The following DFFB variants were observed in gnomAD, a reference collection of about 807,000 sequenced individuals.
DFFB encodes DNA fragmentation factor 40 kDa subunit.
A neutral mutation model predicts 32.7 loss-of-function variants in DFFB; 29 were observed. That is an observed-to-expected ratio of 0.89 (90% CI 0.66 to 1.21). The LOEUF (loss-of-function observed/expected upper bound fraction) is 1.21. DFFB is among the 50% of genes most tolerant of loss of function. The pLI is 0.00. For synonymous variants in DFFB, 170 were observed against 177.1 expected (o/e 0.96, Z 0.32); for missense variants, 398 against 440.6 (o/e 0.90, Z 0.87).
intron 6 of DFFB, among the ~76,000 whole-genome samples, chr1:3,878,952 G>T (rs57517757): frequency 0.29 from 43,490 of 152,050 alleles, 6,862 homozygotes; most frequent in Non-Finnish European, 0.37. Flanking sequence ...CATTTGAAAA[G>T]GTCCGTTCAA....
chr1:3,861,596 T>A (rs1438214599), intron 2 of DFFB, among the ~76,000 whole-genome samples: 1 of 152,058 alleles, frequency 6.6e-6, no homozygotes, highest in Non-Finnish European at 1.5e-5. Flanking sequence ...CCTGGCTAAT[T>A]TTTGTATTTT....
chr1:3,863,589 C>T (rs1454090686), intron 2 of DFFB, among the ~76,000 whole-genome samples: 1 of 152,106 alleles, frequency 6.6e-6, no homozygotes, highest in Non-Finnish European at 1.5e-5. Flanking sequence ...TTCATAATAG[C>T]CAAAAGGTAG....
Position 3,866,070 on chromosome 1 carries a change from C to T in DFFB, c.430+70C>T, listed in dbSNP as rs61035383. The T allele has an allele frequency of 8.3e-3, 10,945 of 1,323,878 alleles. 718 individuals are homozygous for T. In the African/African-American group the frequency reaches 0.14, roughly 17 times the overall value. 82.0% of individuals were successfully genotyped at this position (1,323,878 alleles called of 1,614,324 possible). On this transcript the variant is annotated intron_variant, in intron 3 of 6. Transcript: ENST00000378209. ...CTGAGGTGCCAGAAGAAGTTGGATT[C>T]CAAAAAGCCCCCAGTGAAGGGCTGG...
chr1:3,858,673 G>A (rs757305966), intron 1 of DFFB, 45 bp from the exon 2 acceptor site: 7 of 1,601,056 alleles, frequency 4.4e-6, no homozygotes, highest in East Asian at 2.2e-5. Context: ...CAAAGCCCTC[G>A]TCTTGAGACC....
chr1:3,881,799 G>A (rs955877029), intron 6 of DFFB, among the ~76,000 whole-genome samples: 42 of 152,084 alleles, frequency 2.8e-4, no homozygotes, highest in African/African-American at 9.6e-4. Flanking sequence ...GAACCCAGGA[G>A]GCGGACATTA....
intron 6 of DFFB, 72 bp downstream of exon 6, chr1:3,872,644 G>GCCGCGGCCCTGTCCCTA: frequency 7.4e-7 from 1 of 1,358,882 alleles, no homozygotes. Context: ...CCCTGTCCCT[G>GCCGCGGCCCTGTCCCTA]CCATGGCCCT....
At position 3,865,405 on chromosome 1, in the gene DFFB, C is replaced by T. The variant is rs1250072231; in HGVS notation, c.242-407C>T. ...CTTTAACTTCCTATTAAGAGCCTGCCCGGAGAGCTCGCTGCTTTAGGGAGT... is the reference window on the plus strand; with the variant it reads ...CTTTAACTTCCTATTAAGAGCCTGCTCGGAGAGCTCGCTGCTTTAGGGAGT... On this transcript the variant is annotated intron_variant, in intron 2 of 6. Coordinates refer to ENST00000378209, the MANE Select transcript of DFFB (RefSeq NM_004402.4). This position sits in a 1 kb window ranked among gnomAD's most constrained non-coding sequence, Gnocchi z 4.7. Among the ~76,000 whole-genome samples the T allele has an allele frequency of 6.6e-6, 1 of 152,048 alleles. No individual in the cohort carries two copies. Among genetic ancestry groups the T allele is most frequent in the African/African-American group, 2.4e-5 (1 of 41,396 alleles).
chr1:3,864,020 A>C (rs1644927355), intron 2 of DFFB, among the ~76,000 whole-genome samples: 2 of 152,088 alleles, frequency 1.3e-5, no homozygotes, highest in East Asian at 3.9e-4. Context: ...AGGCTGGAGT[A>C]CAGTGGCGCG....
intron 3 of DFFB, 72 bp downstream of exon 3, chr1:3,866,072 A>G (rs1352178181): frequency 3.8e-6 from 5 of 1,323,192 alleles, no homozygotes; most frequent in Non-Finnish European, 5.1e-6. Flanking sequence ...GTTGGATTCC[A>G]AAAAGCCCCC....
chr1:3,870,936 G>A (rs1011250350), intron 5 of DFFB, among the ~76,000 whole-genome samples: 15 of 152,236 alleles, frequency 9.9e-5, no homozygotes, highest in African/African-American at 2.7e-4. Context: ...GTCTGTTCAC[G>A]AATGAGTGTG....
chr1:3,883,020 T>TGG (rs1645372199), intron 6 of DFFB, among the ~76,000 whole-genome samples: 1 of 139,708 alleles, frequency 7.2e-6, no homozygotes. Flanking sequence ...TTTTTTTTTT[T>TGG]GAGATGGTGT....
At chr1:3,863,769 C>T (rs1644922013) in intron 2 of DFFB, among the ~76,000 whole-genome samples, 1 of 151,882 alleles carries the variant, frequency 6.6e-6, no homozygotes, top group South Asian at 2.1e-4. Flanking sequence ...TAGGAAATAC[C>T]CAGAACGGGG....
At chr1:3,866,722 C>G (rs1644987697) in intron 3 of DFFB, among the ~76,000 whole-genome samples, 1 of 152,110 alleles carries the variant, frequency 6.6e-6, no homozygotes, top group Non-Finnish European at 1.5e-5. Context: ...TTACATCACT[C>G]CCCCTTCCCC....
chr1:3,876,145 C>T (rs993711169), intron 6 of DFFB, among the ~76,000 whole-genome samples: 4 of 152,184 alleles, frequency 2.6e-5, no homozygotes, highest in African/African-American at 7.2e-5. Flanking sequence ...CTGCCCTACC[C>T]TGTCTATCCG....
intron 2 of DFFB, among the ~76,000 whole-genome samples, chr1:3,861,217 A>G (rs532179072): frequency 9.9e-4 from 150 of 151,378 alleles, no homozygotes; most frequent in Middle Eastern, 3.5e-3. Context: ...TTTTGAGATG[A>G]GCCTTTTTCA....
At chr1:3,881,988 C>T (rs1570949408) in intron 6 of DFFB, among the ~76,000 whole-genome samples, 1 of 152,154 alleles carries the variant, frequency 6.6e-6, no homozygotes, top group African/African-American at 2.4e-5. Flanking sequence ...GGTCTCTAAA[C>T]CCCACTTGTT....
intron 6 of DFFB, among the ~76,000 whole-genome samples, chr1:3,881,147 G>A (rs985881485): frequency 6.6e-6 from 1 of 152,202 alleles, no homozygotes; most frequent in Non-Finnish European, 1.5e-5. Context: ...ACACTGCCAT[G>A]GCCATGTGAG....
intron 4 of DFFB, among the ~76,000 whole-genome samples, chr1:3,868,784 G>A (rs1430404259): frequency 6.6e-6 from 1 of 151,994 alleles, no homozygotes; most frequent in Non-Finnish European, 1.5e-5. Flanking sequence ...CCCCTGCAAT[G>A]GGTGTCCTGT....
chr1:3,858,734 C>T lies in DFFB; in HGVS notation c.131C>T (p.Ser44Phe). The T allele has an allele frequency of 6.2e-7, 1 of 1,614,098 alleles. No homozygotes were observed. The highest frequency in any genetic ancestry group is 8.5e-7 in the Non-Finnish European group (1 of 1,180,036). The change falls in exon 2 of 7, where the codon TCC becomes TTC. Residue 44 changes from serine to phenylalanine, a missense_variant. By Grantham distance (155) the Ser-to-Phe change is radical. Transcript: ENST00000378209. ...CLRFQLPERG[S>F]RLCLYEDGTE... is the part of the protein sequence containing the mutation. ...TCCCTGCAGCTCCCTGAGCGCGGTTCCCGGCTGTGCCTGTACGAGGATGGC... is the reference window on the plus strand; with the variant it reads ...TCCCTGCAGCTCCCTGAGCGCGGTTTCCGGCTGTGCCTGTACGAGGATGGC...
Sources: allele counts gnomAD v4.1 joint callset (sites outside exome capture counted in the v4.1 genomes callset), GRCh38; gene constraint gnomAD v4.1.1; non-coding constraint Gnocchi (gnomAD v3.1); transcripts MANE v1.5; gene names NCBI Gene and HGNC (gene_info 2026-07-23, HGNC 2026-07-21).